The following RAD51AP1 variants were observed in gnomAD, a reference collection of about 807,000 sequenced individuals.
The protein encoded by RAD51AP1 is RAD51 associated protein 1.
In RAD51AP1, 14 loss-of-function variants were observed where a neutral mutation model predicts 34.3. The observed-to-expected ratio is 0.41, with a 90% CI of 0.27 to 0.64. RAD51AP1 has a LOEUF of 0.64. Among genes scored for constraint, RAD51AP1 ranks in the 30% least tolerant of loss-of-function variants. RAD51AP1 has a pLI of 0.33. For missense variants in RAD51AP1, 348 were observed against 386.9 expected (o/e 0.90, Z 0.84); for synonymous variants, 114 against 129.8 (o/e 0.88, Z 0.83).
intron 1 of RAD51AP1, among the ~76,000 whole-genome samples, chr12:4,539,330 G>T (rs1324803686): frequency 6.6e-6 from 1 of 152,154 alleles, no homozygotes; most frequent in East Asian, 1.9e-4. Flanking sequence ...TACGTATAGA[G>T]GGTAAGTTAT....
Position 4,556,206 on chromosome 12 carries a change from G to T in RAD51AP1, c.722-147G>T, listed in dbSNP as rs1944581051. The T allele has an allele frequency of 9.2e-6, 6 of 653,590 alleles. No individual in the cohort carries two copies. The South Asian group carries it at 1.2e-4, about 13-fold the overall frequency. 40.5% of individuals were successfully genotyped at this position (653,590 alleles called of 1,614,324 possible). A position where few individuals can be genotyped will look rare whatever the true frequency, so the allele number is the denominator to read the frequency against. ...GGCATATTAATGCTCATAAAAGATGGCTATTCTTAGGCTCTCAATAAATGT... is the reference window on the plus strand; with the variant it reads ...GGCATATTAATGCTCATAAAAGATGTCTATTCTTAGGCTCTCAATAAATGT... On this transcript the variant is annotated intron_variant, in intron 7 of 8. Transcript: ENST00000352618.
intron 1 of RAD51AP1, among the ~76,000 whole-genome samples, chr12:4,539,570 G>A (rs1359507958): frequency 1.3e-5 from 2 of 152,132 alleles, no homozygotes; most frequent in Non-Finnish European, 2.9e-5. Context: ...GAGGTTAGGG[G>A]GCCGAAAATA....
chr12:4,541,410 T>C (rs1266235586), intron 1 of RAD51AP1, among the ~76,000 whole-genome samples: 1 of 152,134 alleles, frequency 6.6e-6, no homozygotes, highest in Non-Finnish European at 1.5e-5. Flanking sequence ...TAGCTTTTAG[T>C]GTCAAGAAAT....
intron 6 of RAD51AP1, 104 bp downstream of exon 6, chr12:4,548,940 G>A: frequency 2.4e-6 from 3 of 1,264,318 alleles, no homozygotes; most frequent in Non-Finnish European, 2.2e-6. Flanking sequence ...TTTGGGGTGT[G>A]CAAACTTCAG....
intron 6 of RAD51AP1, 115 bp from the exon 7 acceptor site, chr12:4,552,868 A>G (rs1332967745): frequency 4.2e-6 from 4 of 943,182 alleles, no homozygotes; most frequent in Admixed American, 3.7e-5. Flanking sequence ...GTGTTCTGCT[A>G]CTGGAAACAG....
Position 4,558,877 on chromosome 12 carries a change from A to G in RAD51AP1, c.892A>G (p.Ser298Gly), listed in dbSNP as rs1333857705. 1.2e-6 allele frequency: 2 copies of G among 1,614,122 alleles called. No homozygotes were observed. Among genetic ancestry groups the G allele is most frequent in the South Asian group, 2.2e-5 (2 of 91,084 alleles). ...VPPAASGGSR[S>G]SSSPLVVVSV... The stretch of plus-strand genomic sequence containing the variant: ...TTCAGCGGCATCTGGAGGTAGCAGA[A>G]GTAGCAGCAGCCCACTGGTGGTAGT... The change falls in exon 9 of 9, where the codon AGT (serine) becomes GGT (glycine). Residue 298 changes from serine to glycine, a missense_variant. Transcript: ENST00000352618.
intron 6 of RAD51AP1, among the ~76,000 whole-genome samples, chr12:4,549,740 T>C (rs968884781): frequency 3.9e-5 from 6 of 152,186 alleles, no homozygotes; most frequent in African/African-American, 1.4e-4. Context: ...GCCCAACTGG[T>C]ATAATGCAGA....
rs375060759 is a variant in RAD51AP1, at chr12:4,559,267, A to G, written c.*274A>G. ...CAGTTCGACATGAAGTCCACATCAC[A>G]TGCTGTTCTTTTCTAGTTACATGAT... On this transcript the variant is annotated 3_prime_UTR_variant, in exon 9 of 9. Coordinates refer to ENST00000352618, the MANE Select transcript of RAD51AP1 (RefSeq NM_006479.5). 61 of 273,538 alleles carry G rather than the reference A, an allele frequency of 2.2e-4. 1 individual carries two copies. Among genetic ancestry groups the G allele is most frequent in the Non-Finnish European group, 3.7e-4 (54 of 146,266 alleles). The allele number at this position is 273,538 out of a possible 1,614,324, so 16.9% of individuals were successfully genotyped here. A position where few individuals can be genotyped will look rare whatever the true frequency, so the allele number is the denominator to read the frequency against.
intron 1 of RAD51AP1, among the ~76,000 whole-genome samples, chr12:4,539,401 G>A (rs971484416): frequency 6.6e-6 from 1 of 152,152 alleles, no homozygotes; most frequent in Admixed American, 6.5e-5. Context: ...TCTCACTCAA[G>A]ATCCTCTGTG....
intron 2 of RAD51AP1, 144 bp downstream of exon 2, chr12:4,542,077 G>T: frequency 2.9e-5 from 12 of 410,384 alleles, no homozygotes; most frequent in East Asian, 7.5e-5. Flanking sequence ...AATCATTTGG[G>T]ATAATTATGC....
In RAD51AP1 at chr12:4,559,530, C is replaced by T. The variant is rs936495564; in HGVS notation, c.*537C>T. 9 of 152,112 alleles carry T rather than the reference C, an allele frequency of 5.9e-5. No homozygotes were observed. The highest frequency in any genetic ancestry group is 8.8e-5 in the Non-Finnish European group (6 of 68,028). The allele number at this position is 152,112 out of a possible 1,614,324, so 9.4% of individuals were successfully genotyped here. On this transcript the variant is annotated 3_prime_UTR_variant, in exon 9 of 9. Transcript: ENST00000352618. ...GTTGCAGTTTTATGGCATATGTCTC[C>T]GATTTAGATGGTTATTCTCTAGAAA...
intron 6 of RAD51AP1, among the ~76,000 whole-genome samples, chr12:4,552,673 C>T (rs1370301530): frequency 1.3e-5 from 2 of 152,180 alleles, no homozygotes; most frequent in Non-Finnish European, 2.9e-5. Flanking sequence ...TTTTATTTTG[C>T]TCAGTATATT....
Position 4,556,401 on chromosome 12 carries a change from C to A in RAD51AP1, c.770C>A (p.Ser257Tyr), listed in dbSNP as rs1340533311. 1.2e-6 allele frequency: 2 copies of A among 1,613,744 alleles called. No individual in the cohort carries two copies. Among genetic ancestry groups the A allele is most frequent in the South Asian group, 2.2e-5 (2 of 91,056 alleles). ...APAAVKSESQSLPKKVSLSSD... is the reference protein window; with the variant it reads ...APAAVKSESQYLPKKVSLSSD... The stretch of plus-strand genomic sequence containing the variant: ...GCTGCCGTCAAATCAGAATCTCAGT[C>A]CTTGCCAAAAAAGGTTTCTCTGTCT... The change falls in exon 8 of 9, where the codon TCC becomes TAC. Residue 257 changes from serine (S) to tyrosine (Y), a missense_variant. Ser to Tyr is a moderately radical substitution (Grantham distance 144). Coordinates refer to ENST00000352618, the MANE Select transcript of RAD51AP1 (RefSeq NM_006479.5).
chr12:4,549,990 C>T (rs184438952), intron 6 of RAD51AP1, among the ~76,000 whole-genome samples: 34 of 152,266 alleles, frequency 2.2e-4, no homozygotes, highest in African/African-American at 7.7e-4. Context: ...CCCCTGCATT[C>T]GCTTGTCCTG....
chr12:4,539,700 C>T (rs955627494), intron 1 of RAD51AP1, among the ~76,000 whole-genome samples: 8 of 152,078 alleles, frequency 5.3e-5, no homozygotes, highest in African/African-American at 1.2e-4. Flanking sequence ...GGAATAGGAG[C>T]CAAGGCCCCA....
At chr12:4,556,952 A>G (rs1041094070) in intron 8 of RAD51AP1, among the ~76,000 whole-genome samples, 1 of 152,114 alleles carries the variant, frequency 6.6e-6, no homozygotes, top group Non-Finnish European at 1.5e-5. Flanking sequence ...GCCCTAGCAA[A>G]CTCAACCTCT....
At chr12:4,542,201 TCTC>T (rs1310292154) in intron 2 of RAD51AP1, among the ~76,000 whole-genome samples, 2 of 152,202 alleles carry the variant, frequency 1.3e-5, no homozygotes, top group African/African-American at 4.8e-5. Flanking sequence ...TAGAGGTTTG[TCTC>T]CTATTCCATC....
intron 2 of RAD51AP1, 103 bp downstream of exon 2, chr12:4,542,036 A>C: frequency 1.7e-6 from 1 of 582,426 alleles, no homozygotes; most frequent in Non-Finnish European, 2.9e-6. Flanking sequence ...GCCCAAATGC[A>C]TATGAGGTAG....
In RAD51AP1 at chr12:4,541,976, C is replaced by A. The variant is rs370129184; in HGVS notation, c.67+43C>A. On this transcript the variant is annotated intron_variant, in intron 2 of 8. Coordinates refer to ENST00000352618, the MANE Select transcript of RAD51AP1 (RefSeq NM_006479.5). ...TTTTTGTTCTAAAGATTTGGAAACT[C>A]ATTTCCTCGGAATTTATATGACATA... 8.4e-6 allele frequency: 11 copies of A among 1,313,262 alleles called. No individual in the cohort carries two copies. The African/African-American group carries it at 1.2e-4, about 14-fold the overall frequency. 81.4% of individuals were successfully genotyped at this position (1,313,262 alleles called of 1,614,324 possible). A position where few individuals can be genotyped will look rare whatever the true frequency, so the allele number is the denominator to read the frequency against.
Sources: allele counts gnomAD v4.1 joint callset (sites outside exome capture counted in the v4.1 genomes callset), GRCh38; gene constraint gnomAD v4.1.1; transcripts MANE v1.5; gene names NCBI Gene and HGNC (gene_info 2026-07-23, HGNC 2026-07-21).